ADCK1: variants seen among roughly 807,000 people sequenced by gnomAD.
The protein encoded by ADCK1 is aarF domain containing kinase 1, also known as aarF domain-containing protein kinase 1.
In ADCK1, 41 loss-of-function variants were observed where a neutral mutation model predicts 52.3. That is an observed-to-expected ratio of 0.78 (90% CI 0.61 to 1.02). The LOEUF (loss-of-function observed/expected upper bound fraction) is 1.02, where lower values mean the gene tolerates loss of function less well. Among genes scored for constraint, ADCK1 ranks in the 50% least tolerant of loss-of-function variants. The probability of loss-of-function intolerance (pLI) is 0.00; values close to 1 mark genes in which losing one functional copy is unlikely to be tolerated. For missense variants in ADCK1, 658 were observed against 679.5 expected (o/e 0.97, Z 0.35); for synonymous variants, 250 against 274.6 (o/e 0.91, Z 0.89).
At chr14:77,927,659 C>T (rs2084228444) in intron 9 of ADCK1, among the ~76,000 whole-genome samples, 1 of 152,142 alleles carries the variant, frequency 6.6e-6, no homozygotes, top group Non-Finnish European at 1.5e-5. Flanking sequence ...TCAGAGAAGA[C>T]CTGGCTTGAG....
chr14:77,925,941 G>A lies in ADCK1; in HGVS notation c.1186G>A (p.Ala396Thr). ...CTCGGTCAACAGAGGCATCAGCCAA[G>A]CTCCCGTCACTGCCACTGAGGTAGG... Reference protein sequence around the residue: ...WDSVNRGISQAPVTATEDLEI... With the variant: ...WDSVNRGISQTPVTATEDLEI... Residue 396 changes from alanine to threonine, a missense_variant, in exon 9 of 11, where the codon GCT becomes ACT. By Grantham distance (58) the Ala-to-Thr change is moderately conservative. Coordinates refer to ENST00000238561, the MANE Select transcript of ADCK1 (RefSeq NM_020421.4). 2 of 1,614,166 alleles carry A rather than the reference G, an allele frequency of 1.2e-6. No individual in the cohort carries two copies. The highest frequency in any genetic ancestry group is 3.3e-5 in the Admixed American group (2 of 60,032).
At chr14:77,855,242 T>C (rs1425071425) in intron 3 of ADCK1, among the ~76,000 whole-genome samples, 1 of 152,268 alleles carries the variant, frequency 6.6e-6, no homozygotes, top group Non-Finnish European at 1.5e-5. Flanking sequence ...CCATGCGTGA[T>C]TGAAACAAAT....
At chr14:77,842,478 T>G in intron 3 of ADCK1, among the ~76,000 whole-genome samples, 1 of 144,202 alleles carries the variant, frequency 6.9e-6, no homozygotes, top group South Asian at 2.3e-4. Flanking sequence ...CTTCCTTCCT[T>G]CCTTCCTTCC....
At chr14:77,921,093 G>A (rs539740392) in intron 7 of ADCK1, among the ~76,000 whole-genome samples, 6 of 151,844 alleles carry the variant, frequency 4.0e-5, no homozygotes, top group African/African-American at 7.2e-5. Flanking sequence ...TTGGGAGGCC[G>A]AGGAGGGCAG....
intron 1 of ADCK1, among the ~76,000 whole-genome samples, chr14:77,818,462 C>T (rs537548671): frequency 9.2e-5 from 14 of 151,656 alleles, no homozygotes; most frequent in Admixed American, 4.6e-4. Context: ...TTGTATTTTT[C>T]GTAGAGACGG....
At chr14:77,899,035 A>G (rs1373538807) in intron 5 of ADCK1, 65 bp from the exon 6 acceptor site, 91 of 1,594,384 alleles carry the variant, frequency 5.7e-5, no homozygotes, top group Non-Finnish European at 7.5e-5. Context: ...ACCAGGCAGG[A>G]AGGTAGGGAA....
At chr14:77,839,089 C>T (rs1222299758) in intron 3 of ADCK1, among the ~76,000 whole-genome samples, 3 of 152,188 alleles carry the variant, frequency 2.0e-5, no homozygotes, top group Non-Finnish European at 4.4e-5. Flanking sequence ...TAAACAAGGT[C>T]ATTTCAGCTC....
At chr14:77,856,986 C>CA (rs1220400144) in intron 3 of ADCK1, among the ~76,000 whole-genome samples, 27 of 148,650 alleles carry the variant, frequency 1.8e-4, no homozygotes, top group African/African-American at 2.2e-4. Flanking sequence ...TGGGTGTCTC[C>CA]AAAAAAAAAA....
At chr14:77,823,404 A>C (rs1347789259) in intron 3 of ADCK1, among the ~76,000 whole-genome samples, 1 of 152,096 alleles carries the variant, frequency 6.6e-6, no homozygotes, top group Non-Finnish European at 1.5e-5. Context: ...ATGTGGATGG[A>C]ATAATTAATT....
intron 7 of ADCK1, chr14:77,908,209 T>C (rs911499353): frequency 4.3e-6 from 1 of 231,206 alleles, no homozygotes; most frequent in Non-Finnish European, 8.6e-6. Flanking sequence ...CAGAGAACAA[T>C]GATGCAAAAT....
intron 4 of ADCK1, among the ~76,000 whole-genome samples, chr14:77,861,421 G>A (rs2082544864): frequency 6.6e-6 from 1 of 151,992 alleles, no homozygotes; most frequent in African/African-American, 2.4e-5. Flanking sequence ...GGGGTGTGAG[G>A]GCGGGGTAAT....
intron 5 of ADCK1, among the ~76,000 whole-genome samples, chr14:77,897,156 T>A (rs1220051235): frequency 6.6e-6 from 1 of 152,236 alleles, no homozygotes; most frequent in Admixed American, 6.5e-5. Context: ...CTTATTGCCA[T>A]CTGCTATAGC....
chr14:77,878,492 G>A (rs558654282), intron 4 of ADCK1, among the ~76,000 whole-genome samples: 6 of 152,356 alleles, frequency 3.9e-5, no homozygotes, highest in East Asian at 1.9e-4. Context: ...GGGTTCTCAC[G>A]TGGGCAGGCT....
chr14:77,852,191 G>A (rs187891962), intron 3 of ADCK1, among the ~76,000 whole-genome samples: 1 of 152,092 alleles, frequency 6.6e-6, no homozygotes, highest in Admixed American at 6.6e-5. Flanking sequence ...TAGAGGCGGG[G>A]TGTCACCTTA....
chr14:77,859,355 C>T (rs7149884), intron 4 of ADCK1, 76 bp downstream of exon 4: 624,224 of 1,440,214 alleles, frequency 0.43, 137,531 homozygotes, highest in Admixed American at 0.55. Flanking sequence ...CTTGCAGCCT[C>T]GACCAGGGTG....
rs368675129 is a variant in ADCK1 at position 77,911,344 on chromosome 14, G to GT, written c.858+3431dup. On this transcript the variant is annotated intron_variant, in intron 7 of 10. Coordinates refer to ENST00000238561, the MANE Select transcript of ADCK1 (RefSeq NM_020421.4). ...TGGTGCAAAGGTAAATGTGTGTTTT[G>GT]TTTTTTATTTTGGGCCATTGCAAAA... Among the ~76,000 whole-genome samples the GT allele has an allele frequency of 9.4e-3, 1,431 of 152,234 alleles. 15 individuals carry two copies. The highest frequency in any genetic ancestry group is 0.032 in the South Asian group (153 of 4,820).
At chr14:77,861,406 G>A (rs1471581440) in intron 4 of ADCK1, among the ~76,000 whole-genome samples, 2 of 152,046 alleles carry the variant, frequency 1.3e-5, no homozygotes, top group South Asian at 2.1e-4. Context: ...GGGTGGGTGC[G>A]TGTGGGGGTG....
intron 6 of ADCK1, among the ~76,000 whole-genome samples, chr14:77,906,761 G>C (rs1358573199): frequency 6.6e-6 from 1 of 152,128 alleles, no homozygotes; most frequent in Non-Finnish European, 1.5e-5. Context: ...AAGAGAAGTG[G>C]AAGAAGAGTA....
intron 1 of ADCK1, among the ~76,000 whole-genome samples, chr14:77,804,942 C>T (rs2139987515): frequency 6.6e-6 from 1 of 152,194 alleles, no homozygotes; most frequent in Admixed American, 6.5e-5. Context: ...CACGGTGGCT[C>T]ACGCTTGTCA....
Sources: gnomAD v4.1 joint callset for allele counts (sites outside exome capture counted in the v4.1 genomes callset) on GRCh38, gnomAD v4.1.1 for gene constraint, MANE v1.5 for transcripts, NCBI Gene and HGNC (gene_info 2026-07-23, HGNC 2026-07-21) for gene names.